ZNF528: variants seen among roughly 807,000 people sequenced by gnomAD.
ZNF528 encodes the protein zinc finger protein 528.
In ZNF528, 9 loss-of-function variants were observed where a neutral mutation model predicts 13.3. That is an observed-to-expected ratio of 0.67 (90% confidence interval 0.41 to 1.18). The LOEUF is 1.18. ZNF528 is among the 50% of genes most tolerant of loss of function. The pLI is 0.01. For missense variants in ZNF528, 858 were observed against 745.4 expected (o/e 1.15, Z -1.76); for synonymous variants, 264 against 254.3 (o/e 1.04, Z -0.36).
intron 2 of ZNF528, among the ~76,000 whole-genome samples, chr19:52,398,902 G>A (rs910642442): frequency 3.9e-5 from 6 of 152,114 alleles, no homozygotes; most frequent in Non-Finnish European, 8.8e-5. Context: ...CCAGAGAGTG[G>A]GGACAGGGGT....
intron 2 of ZNF528, among the ~76,000 whole-genome samples, chr19:52,399,100 CAA>C (rs1213921855): frequency 6.6e-6 from 1 of 150,666 alleles, no homozygotes; most frequent in Non-Finnish European, 1.5e-5. Context: ...AAGAATGGGA[CAA>C]AGAGAAGAGG....
intron 6 of ZNF528, chr19:52,408,090 T>C (rs1311892500): frequency 6.6e-6 from 1 of 152,174 alleles, no homozygotes; most frequent in Non-Finnish European, 1.5e-5. Context: ...ACTCTGCTCT[T>C]TCTGTTATTA....
intron 4 of ZNF528, chr19:52,402,353 G>T: frequency 2.3e-6 from 1 of 429,526 alleles, no homozygotes; most frequent in Non-Finnish European, 4.2e-6. Flanking sequence ...CACTGTCAGT[G>T]TTCTGTGGAC....
intron 4 of ZNF528, among the ~76,000 whole-genome samples, chr19:52,402,696 C>A (rs2058809491): frequency 1.3e-5 from 2 of 152,144 alleles, no homozygotes; most frequent in Admixed American, 1.3e-4. Flanking sequence ...GCCACCACCC[C>A]CAGCCATATC....
At position 52,414,435 on chromosome 19, in the gene ZNF528, C is replaced by G. The variant is rs372800174; in HGVS notation, c.272-689C>G. ...AACAAGGGCCCTGAGCTTTAGAGCC[C>G]TTTGTATTTTATTGGGTAAAGGAGA... On this transcript the variant is annotated intron_variant, in intron 6 of 6. Coordinates refer to ENST00000360465, the MANE Select transcript of ZNF528 (RefSeq NM_032423.3). 4.6e-3 allele frequency: 2,867 copies of G among 622,714 alleles called. 31 individuals carry two copies. The highest frequency in any genetic ancestry group is 0.024 in the Middle Eastern group (66 of 2,796). The allele number at this position is 622,714 out of a possible 1,614,324, so 38.6% of individuals were successfully genotyped here.
Position 52,400,699 on chromosome 19 carries a change from T to A in ZNF528, c.-136-986T>A, listed in dbSNP as rs541003529. Reference sequence around the variant, plus strand: ...TCTGCGTGGCTGATTGAAAAAAAAATTTTTTTTTTTGAGACAAAGTCTCAC... The same window carrying A: ...TCTGCGTGGCTGATTGAAAAAAAAAATTTTTTTTTTGAGACAAAGTCTCAC... On this transcript the variant is annotated intron_variant, in intron 2 of 6. Transcript: ENST00000360465. 4.7e-4 allele frequency among the ~76,000 whole-genome samples: 69 copies of A among 147,058 alleles called. 1 individual carries two copies. The highest frequency in any genetic ancestry group is 8.5e-4 in the South Asian group (4 of 4,680).
chr19:52,414,394 G>A (rs767739801), intron 6 of ZNF528: 7 of 690,314 alleles, frequency 1.0e-5, no homozygotes, highest in Middle Eastern at 4.9e-4. Context: ...AAGGGGTCAG[G>A]GGGCTCCTTC....
chr19:52,414,298 T>A, intron 6 of ZNF528: 1 of 702,550 alleles, frequency 1.4e-6, no homozygotes, highest in African/African-American at 1.7e-5. Context: ...CTCTTCTGGG[T>A]CACCAGTTGC....
At chr19:52,412,058 T>C (rs1323452111) in intron 6 of ZNF528, 1 of 152,222 alleles carries the variant, frequency 6.6e-6, no homozygotes, top group African/African-American at 2.4e-5. Flanking sequence ...CCTGTGTCCA[T>C]TCGCCCATAA....
At chr19:52,414,297 G>A in intron 6 of ZNF528, 1 of 702,514 alleles carries the variant, frequency 1.4e-6, no homozygotes, top group South Asian at 1.5e-5. Flanking sequence ...CCTCTTCTGG[G>A]TCACCAGTTG....
At chr19:52,404,593 A>G (rs981748512) in intron 4 of ZNF528, among the ~76,000 whole-genome samples, 1 of 149,022 alleles carries the variant, frequency 6.7e-6, no homozygotes, top group Admixed American at 6.7e-5. Flanking sequence ...ATCATTTTTT[A>G]TTTTATTTGT....
At position 52,415,115 on chromosome 19, in the gene ZNF528, CT is replaced by C. The variant is rs2058983168; in HGVS notation, c.272-8del. ...GGGTTGAAGTTCCACTTTTTTCTTT[CT>C]GTTTTAGAGAGGAGCTCTAAATTGG... On this transcript the variant is annotated splice_region_variant and splice_polypyrimidine_tract_variant and intron_variant, in intron 6 of 6. Coordinates refer to ENST00000360465, the MANE Select transcript of ZNF528 (RefSeq NM_032423.3). 1.2e-6 allele frequency: 2 copies of C among 1,608,136 alleles called. No individual in the cohort carries two copies. Among genetic ancestry groups the C allele is most frequent in the Non-Finnish European group, 1.7e-6 (2 of 1,177,424 alleles).
chr19:52,399,968 G>A (rs938967306), intron 2 of ZNF528, among the ~76,000 whole-genome samples: 1 of 152,070 alleles, frequency 6.6e-6, no homozygotes, highest in Non-Finnish European at 1.5e-5. Flanking sequence ...AAACAGTGTG[G>A]TTTTTTCCTG....
intron 6 of ZNF528, 33 bp downstream of exon 6, chr19:52,406,676 A>G: frequency 3.8e-6 from 6 of 1,582,334 alleles, no homozygotes; most frequent in Non-Finnish European, 5.1e-6. Flanking sequence ...TGGAGGCCCC[A>G]TAATTTTTGT....
At chr19:52,405,804 T>C in intron 4 of ZNF528, 103 bp from the exon 5 acceptor site, 4 of 1,484,188 alleles carry the variant, frequency 2.7e-6, no homozygotes, top group East Asian at 2.4e-5. Context: ...TTTTTCACAG[T>C]GCTCACATAA....
chr19:52,410,434 A>G lies in ZNF528; in HGVS notation c.271+3791A>G, dbSNP rs150350375. Among the ~76,000 whole-genome samples the G allele has an allele frequency of 7.9e-3, 1,206 of 152,292 alleles. 19 individuals are homozygous for G. The highest frequency in any genetic ancestry group is 0.037 in the Middle Eastern group (11 of 294). ...CAATAGGCTCTAGATGTCCCAGTAG[A>G]TAATCTCAGTGAGCACAGTGCCAGG... On this transcript the variant is annotated intron_variant, in intron 6 of 6. Transcript: ENST00000360465.
At position 52,402,000 on chromosome 19, in the gene ZNF528, A is replaced by T; in HGVS notation, c.-14A>T. 6.2e-7 allele frequency: 1 copy of T among 1,614,184 alleles called. No homozygotes were observed. The highest frequency in any genetic ancestry group is 8.5e-7 in the Non-Finnish European group (1 of 1,180,020). Reference sequence around the variant, plus strand: ...AAGGAAGCAACTTGGAAGAGGAAAGAAAAGAAGTCAGGAATGGCCCTTACT... The same window carrying T: ...AAGGAAGCAACTTGGAAGAGGAAAGTAAAGAAGTCAGGAATGGCCCTTACT... On this transcript the variant is annotated 5_prime_UTR_variant, in exon 4 of 7. Transcript: ENST00000360465.
Position 52,405,755 on chromosome 19 carries a change from TACAG to T in ZNF528, c.16-148_16-145del, listed in dbSNP as rs781212259. On this transcript the variant is annotated intron_variant, in intron 4 of 6. Coordinates refer to ENST00000360465, the MANE Select transcript of ZNF528 (RefSeq NM_032423.3). ...TGGAGAAATATAATAAAACCACAAT[TACAG>T]ACACGTAACTGGCTCAAGAATACCT... 1.0e-4 allele frequency: 95 copies of T among 949,420 alleles called. No individual in the cohort carries two copies. The East Asian group carries it at 1.4e-3, about 14-fold the overall frequency. The allele number at this position is 949,420 out of a possible 1,614,324, so 58.8% of individuals were successfully genotyped here. A position where few individuals can be genotyped will look rare whatever the true frequency, so the allele number is the denominator to read the frequency against.
In ZNF528 at chr19:52,414,155, G is replaced by A. The variant is rs183002084; in HGVS notation, c.272-969G>A. 974 of 700,160 alleles carry A rather than the reference G, an allele frequency of 1.4e-3. 5 individuals are homozygous for A. In the African/African-American group the frequency reaches 0.015, roughly 11 times the overall value. 43.4% of individuals were successfully genotyped at this position (700,160 alleles called of 1,614,324 possible). ...TCTTCAGGGCACTGACCTTATATCCGCTGCCAGCCGACTCATCCAGGTTTC... is the reference window on the plus strand; with the variant it reads ...TCTTCAGGGCACTGACCTTATATCCACTGCCAGCCGACTCATCCAGGTTTC... On this transcript the variant is annotated intron_variant, in intron 6 of 6. Transcript: ENST00000360465.
Sources: gnomAD v4.1 joint callset for allele counts (sites outside exome capture counted in the v4.1 genomes callset) on GRCh38, gnomAD v4.1.1 for gene constraint, MANE v1.5 for transcripts, NCBI Gene and HGNC (gene_info 2026-07-23, HGNC 2026-07-21) for gene names.